The following IPO8 variants were observed in gnomAD, a reference collection of about 807,000 sequenced individuals.
IPO8 encodes the protein importin-8.
Under a neutral mutation model 141.2 loss-of-function variants are expected in IPO8, and 65 were observed. The ratio of observed to expected loss-of-function variants is 0.46; its 90% CI spans 0.38 to 0.57. The LOEUF (loss-of-function observed/expected upper bound fraction) is 0.57, where lower values mean the gene tolerates loss of function less well. Among genes scored for constraint, IPO8 ranks in the 20% least tolerant of loss-of-function variants. IPO8 has a pLI of 0.00. For synonymous variants in IPO8, 411 were observed against 420.3 expected, an observed-to-expected ratio of 0.98 and a Z score of 0.27; for missense variants, 980 against 1,246.8, an observed-to-expected ratio of 0.79 and a Z score of 3.22.
At chr12:30,694,179 CCTAA>C (rs1369528927) in intron 1 of IPO8, among the ~76,000 whole-genome samples, 1 of 152,194 alleles carries the variant, frequency 6.6e-6, no homozygotes, top group African/African-American at 2.4e-5. Context: ...CTTTGTTCTT[CCTAA>C]CTAACCCCTG....
chr12:30,642,761 C>T (rs1293948703), intron 20 of IPO8, among the ~76,000 whole-genome samples: 2 of 151,814 alleles, frequency 1.3e-5, no homozygotes, highest in Non-Finnish European at 2.9e-5. Flanking sequence ...CAGGCTAGGA[C>T]GAGACATCTA....
chr12:30,689,247 A>G (rs1216009328), intron 2 of IPO8, among the ~76,000 whole-genome samples: 1 of 152,168 alleles, frequency 6.6e-6, no homozygotes, highest in African/African-American at 2.4e-5. Flanking sequence ...TTAAAGGAAG[A>G]CATTAATGTA....
At chr12:30,665,129 G>A (rs985666444) in intron 13 of IPO8, 91 bp downstream of exon 13, 2 of 722,770 alleles carry the variant, frequency 2.8e-6, no homozygotes, top group African/African-American at 1.8e-5. Flanking sequence ...ATCTCAATAT[G>A]TGGCAAAAGG....
Position 30,675,763 on chromosome 12 carries a change from G to GA in IPO8, c.729+734dup, listed in dbSNP as rs1402333799. On this transcript the variant is annotated intron_variant, in intron 6 of 24. Coordinates refer to ENST00000256079, the MANE Select transcript of IPO8 (RefSeq NM_006390.4). ...GGAGGCTGAGGCAGGAGGATGGTGT[G>GA]AACCCGGGAGGCGGAGCTTGCAGTG... Among the ~76,000 whole-genome samples the GA allele has an allele frequency of 7.3e-5, 11 of 150,596 alleles. No homozygotes were observed. In the South Asian group the frequency reaches 2.3e-3, roughly 32 times the overall value.
intron 20 of IPO8, among the ~76,000 whole-genome samples, chr12:30,647,647 T>C (rs1410265803): frequency 1.9e-5 from 2 of 103,604 alleles, no homozygotes; most frequent in African/African-American, 7.5e-5. Flanking sequence ...CAAGCAATAA[T>C]CATAAAAAAA....
At chr12:30,662,249 C>T in intron 15 of IPO8, 78 bp downstream of exon 15, 1 of 1,156,070 alleles carries the variant, frequency 8.6e-7, no homozygotes, top group South Asian at 1.4e-5. Flanking sequence ...ACAAATAAAA[C>T]TGAACTCCAT....
intron 17 of IPO8, among the ~76,000 whole-genome samples, chr12:30,653,912 T>C (rs2052760559): frequency 6.6e-6 from 1 of 152,028 alleles, no homozygotes; most frequent in Non-Finnish European, 1.5e-5. Context: ...CAAATATTGA[T>C]GAATAATTTA....
chr12:30,695,816 C>T lies in IPO8; in HGVS notation c.-169G>A. The T allele has an allele frequency of 1.8e-6, 1 of 562,346 alleles. No homozygotes were observed. Among genetic ancestry groups the T allele is most frequent in the Non-Finnish European group, 3.2e-6 (1 of 315,780 alleles). The allele number at this position is 562,346 out of a possible 1,614,324, so 34.8% of individuals were successfully genotyped here. ...CTTGCTGCGCCACTCTGACTCCGCG[C>T]CCCCTGTCCTCCCTTTTTCCCCCCC... is the stretch of plus-strand genomic sequence containing the variant. On this transcript the variant is annotated 5_prime_UTR_variant, in exon 1 of 25. Transcript: ENST00000256079. This position sits in a 1 kb window ranked among gnomAD's most constrained non-coding sequence, Gnocchi z 4.2.
At chr12:30,690,416 C>T in intron 2 of IPO8, 80 bp downstream of exon 2, 1 of 824,424 alleles carries the variant, frequency 1.2e-6, no homozygotes, top group Non-Finnish European at 2.0e-6. Context: ...CAATAAATTA[C>T]AGATATGTAA....
At position 30,630,232 on chromosome 12, in the gene IPO8, A is replaced by T. The variant is rs542296745; in HGVS notation, c.*628T>A. Reference sequence around the variant, plus strand: ...AGACACTTCTTTAAAAAGCCACAAAACATCTTATGAAAAACCACAGCCAGT... The same window carrying T: ...AGACACTTCTTTAAAAAGCCACAAATCATCTTATGAAAAACCACAGCCAGT... On this transcript the variant is annotated 3_prime_UTR_variant, in exon 25 of 25. Transcript: ENST00000256079. 1 of 152,254 alleles carries T rather than the reference A, an allele frequency of 6.6e-6. No individual in the cohort carries two copies. The highest frequency in any genetic ancestry group is 6.5e-5 in the Admixed American group (1 of 15,294). The allele number at this position is 152,254 out of a possible 1,614,324, so 9.4% of individuals were successfully genotyped here.
intron 13 of IPO8, 132 bp from the exon 14 acceptor site, chr12:30,663,786 G>T: frequency 1.7e-6 from 1 of 599,478 alleles, no homozygotes; most frequent in Non-Finnish European, 2.5e-6. Flanking sequence ...TAACACAGTA[G>T]CCTTAGTTTC....
chr12:30,685,421 G>A (rs573484739), intron 2 of IPO8, among the ~76,000 whole-genome samples: 2 of 151,780 alleles, frequency 1.3e-5, no homozygotes, highest in African/African-American at 2.4e-5. Flanking sequence ...TTACAGGTGT[G>A]AGCCACTGCA....
rs1565498165 is a variant in IPO8, at chr12:30,653,520, C to A, written c.1949-428G>T. 3.9e-5 allele frequency among the ~76,000 whole-genome samples: 6 copies of A among 151,996 alleles called. No individual in the cohort carries two copies. The South Asian group carries it at 1.2e-3, about 31-fold the overall frequency. On this transcript the variant is annotated intron_variant, in intron 17 of 24. Coordinates refer to ENST00000256079, the MANE Select transcript of IPO8 (RefSeq NM_006390.4). ...ATCAGACTAAAGTATCTACCTATCT[C>A]AAATTTATACTTTTACTAACAACTA... is the stretch of plus-strand genomic sequence containing the variant.
At chr12:30,693,472 G>A (rs531464929) in intron 1 of IPO8, among the ~76,000 whole-genome samples, 23 of 152,258 alleles carry the variant, frequency 1.5e-4, no homozygotes, top group Non-Finnish European at 2.6e-4. Context: ...TCAGTATACC[G>A]CAGAAGCTGC....
intron 17 of IPO8, among the ~76,000 whole-genome samples, chr12:30,656,180 A>C (rs746729731): frequency 4.6e-5 from 7 of 152,124 alleles, no homozygotes; most frequent in Non-Finnish European, 1.0e-4. Flanking sequence ...GGCACCACAG[A>C]CACATGCCAC....
rs749525802 is a variant in IPO8, at chr12:30,634,161, C to T, written c.2821G>A (p.Ala941Thr). The change falls in exon 23 of 25, where the codon GCG becomes ACG. Residue 941 changes from alanine to threonine, a missense_variant. By Grantham distance (58) the Ala-to-Thr change is moderately conservative. Coordinates refer to ENST00000256079, the MANE Select transcript of IPO8 (RefSeq NM_006390.4). ...DWDEEVLEET[A>T]LEGFSTPLDL... is the part of the protein sequence containing the mutation. ...AGTGGAGTACTGAACCCCTCAAGCG[C>T]GGTTTCTTCCAATACTTCTTCATCC... 22 of 1,613,976 alleles carry T rather than the reference C, an allele frequency of 1.4e-5. No individual in the cohort carries two copies. Among genetic ancestry groups the T allele is most frequent in the South Asian group, 4.4e-5 (4 of 91,080 alleles).
intron 6 of IPO8, among the ~76,000 whole-genome samples, chr12:30,676,120 C>G (rs1052260449): frequency 6.6e-6 from 1 of 151,810 alleles, no homozygotes; most frequent in African/African-American, 2.4e-5. Context: ...GAGTCAAGGT[C>G]CCACTATGTT....
chr12:30,652,153 GTTAAGAACCA>G, intron 19 of IPO8, 29 bp downstream of exon 19: 1 of 1,212,936 alleles, frequency 8.2e-7, no homozygotes, highest in Non-Finnish European at 1.2e-6. Context: ...GCAAACATTA[GTTAAGAACCA>G]CTGAAACAAT....
intron 3 of IPO8, 142 bp from the exon 4 acceptor site, chr12:30,681,959 CAT>C (rs2053193603): frequency 5.0e-6 from 3 of 594,542 alleles, no homozygotes; most frequent in Admixed American, 3.9e-5. Flanking sequence ...GGGAAAAAGA[CAT>C]ATCTAAAAAA....
Sources: allele counts gnomAD v4.1 joint callset (sites outside exome capture counted in the v4.1 genomes callset), GRCh38; gene constraint gnomAD v4.1.1; non-coding constraint Gnocchi (gnomAD v3.1); transcripts MANE v1.5; gene names NCBI Gene and HGNC (gene_info 2026-07-23, HGNC 2026-07-21).